SRGAP3: variants seen among roughly 807,000 people sequenced by gnomAD.
SRGAP3 encodes the protein SLIT-ROBO Rho GTPase activating protein 3.
A neutral mutation model predicts 121.1 loss-of-function variants in SRGAP3; 39 were observed. The observed-to-expected ratio is 0.32, with a 90% CI of 0.25 to 0.42. The LOEUF is 0.42. Among genes scored for constraint, SRGAP3 ranks in the 10% least tolerant of loss-of-function variants. The pLI is 1.00. For missense variants in SRGAP3, 1,213 were observed against 1,470.6 expected, an observed-to-expected ratio of 0.82 and a Z score of 2.86; for synonymous variants, 601 against 570.0, an observed-to-expected ratio of 1.05 and a Z score of -0.77.
At chr3:9,181,521 G>A (rs923509021) in intron 1 of SRGAP3, among the ~76,000 whole-genome samples, 3 of 152,196 alleles carry the variant, frequency 2.0e-5, no homozygotes, top group African/African-American at 7.2e-5. Context: ...AATGGTGGCT[G>A]TGGCAGAATC....
intron 1 of SRGAP3, among the ~76,000 whole-genome samples, chr3:9,353,577 G>A (rs527622889): frequency 6.6e-6 from 1 of 152,332 alleles, no homozygotes; most frequent in African/African-American, 2.4e-5. Context: ...TTACTAAAGC[G>A]GTTTTATAGC....
At chr3:9,043,088 A>C (rs1945098634) in intron 10 of SRGAP3, among the ~76,000 whole-genome samples, 2 of 152,002 alleles carry the variant, frequency 1.3e-5, no homozygotes, top group African/African-American at 4.8e-5. Flanking sequence ...CCAAACACAC[A>C]CACCATTGTT....
chr3:9,358,849 G>A (rs1385767545), intron 1 of SRGAP3, among the ~76,000 whole-genome samples: 1 of 152,152 alleles, frequency 6.6e-6, no homozygotes, highest in African/African-American at 2.4e-5. Flanking sequence ...CAAGGGATAG[G>A]GGAAAGGACA....
chr3:9,282,306 G>A (rs1001003744), intron 3 of SRGAP3, among the ~76,000 whole-genome samples: 19 of 152,120 alleles, frequency 1.2e-4, no homozygotes, highest in Non-Finnish European at 2.4e-4. Context: ...CTCATTACAT[G>A]TGAACATTAC....
At chr3:9,344,889 T>A (rs968916409) in intron 1 of SRGAP3, among the ~76,000 whole-genome samples, 3 of 151,382 alleles carry the variant, frequency 2.0e-5, no homozygotes, top group African/African-American at 7.3e-5. Context: ...ATACAAAAAT[T>A]AGCTGGGTGT....
At chr3:9,351,001 G>C (rs1398295615) in intron 1 of SRGAP3, among the ~76,000 whole-genome samples, 1 of 152,144 alleles carries the variant, frequency 6.6e-6, no homozygotes, top group African/African-American at 2.4e-5. Flanking sequence ...GGTGGGCTCT[G>C]CTAGGATGCT....
intron 3 of SRGAP3, among the ~76,000 whole-genome samples, chr3:9,324,492 A>G (rs1484081863): frequency 2.6e-5 from 4 of 151,950 alleles, no homozygotes; most frequent in Non-Finnish European, 5.9e-5. Context: ...TCCTGTTTAC[A>G]GGACAAAAAC....
intron 3 of SRGAP3, among the ~76,000 whole-genome samples, chr3:9,098,335 G>C (rs76101961): frequency 6.6e-6 from 1 of 152,292 alleles, no homozygotes; most frequent in East Asian, 1.9e-4. Flanking sequence ...GCAATGCAGT[G>C]ATCACAGCTC....
At chr3:9,084,560 G>T (rs1947378240) in intron 3 of SRGAP3, among the ~76,000 whole-genome samples, 1 of 152,162 alleles carries the variant, frequency 6.6e-6, no homozygotes, top group Admixed American at 6.5e-5. Flanking sequence ...CTGCCTCCCA[G>T]TGAACTTCCA....
intron 9 of SRGAP3, among the ~76,000 whole-genome samples, chr3:9,049,745 C>T (rs899676998): frequency 3.3e-5 from 5 of 151,920 alleles, no homozygotes; most frequent in African/African-American, 4.8e-5. Flanking sequence ...TTCCAGTTGC[C>T]CATCTTGGGA....
chr3:8,980,895 G>A lies in SRGAP3; in HGVS notation c.*4624C>T, dbSNP rs569475246. The A allele has an allele frequency of 4.3e-6, 1 of 233,438 alleles. No homozygotes were observed. The highest frequency in any genetic ancestry group is 2.2e-5 in the African/African-American group (1 of 45,452). The allele number at this position is 233,438 out of a possible 1,614,324, so 14.5% of individuals were successfully genotyped here. A position where few individuals can be genotyped will look rare whatever the true frequency, so the allele number is the denominator to read the frequency against. Reference sequence around the variant, plus strand: ...AGAATCAAACCTATTGCCAAACCATGTAAACAGTCACACTGCCGGGAACAA... The same window carrying A: ...AGAATCAAACCTATTGCCAAACCATATAAACAGTCACACTGCCGGGAACAA... On this transcript the variant is annotated 3_prime_UTR_variant, in exon 22 of 22. Coordinates refer to ENST00000383836, the MANE Select transcript of SRGAP3 (RefSeq NM_014850.4).
chr3:9,319,778 T>C (rs1006602739), intron 3 of SRGAP3, among the ~76,000 whole-genome samples: 2 of 151,850 alleles, frequency 1.3e-5, no homozygotes, highest in African/African-American at 4.8e-5. Context: ...AAGGGTGTGT[T>C]TGCCCTTTAG....
chr3:9,038,308 G>T (rs1944862315), intron 10 of SRGAP3, among the ~76,000 whole-genome samples: 1 of 152,146 alleles, frequency 6.6e-6, no homozygotes, highest in Non-Finnish European at 1.5e-5. Context: ...ACACATTATT[G>T]TTCACAGACA....
At chr3:9,292,142 G>A (rs1293773366) in intron 3 of SRGAP3, among the ~76,000 whole-genome samples, 1 of 152,220 alleles carries the variant, frequency 6.6e-6, no homozygotes, top group East Asian at 1.9e-4. Flanking sequence ...TCGCATCTCA[G>A]ACTTTGAGAA....
intron 1 of SRGAP3, among the ~76,000 whole-genome samples, chr3:9,128,056 C>T (rs1299851520): frequency 4.8e-5 from 7 of 145,250 alleles, no homozygotes; most frequent in African/African-American, 1.6e-4. Context: ...CTTAAAAAAG[C>T]TAAAAAAAAA....
At chr3:9,012,424 T>A (rs1943421565) in intron 17 of SRGAP3, among the ~76,000 whole-genome samples, 1 of 152,208 alleles carries the variant, frequency 6.6e-6, no homozygotes, top group Non-Finnish European at 1.5e-5. Flanking sequence ...TCACCACATT[T>A]AAAGATTTTT....
At chr3:8,987,426 AAT>A (rs893875998) in intron 21 of SRGAP3, among the ~76,000 whole-genome samples, 3 of 152,144 alleles carry the variant, frequency 2.0e-5, no homozygotes, top group African/African-American at 7.3e-5. Flanking sequence ...TCCTAAAAAA[AAT>A]AAATAAAAAG....
chr3:9,266,402 T>C (rs535661008), intron 3 of SRGAP3, among the ~76,000 whole-genome samples: 12 of 152,162 alleles, frequency 7.9e-5, no homozygotes, highest in African/African-American at 2.6e-4. Context: ...AATAGCCACA[T>C]GTGGCAGGGG....
intron 14 of SRGAP3, among the ~76,000 whole-genome samples, chr3:9,022,255 G>A (rs1225058155): frequency 6.6e-6 from 1 of 152,216 alleles, no homozygotes; most frequent in African/African-American, 2.4e-5. Context: ...TTGAACCTGG[G>A]AGGCGGAGGT....
Sources: gnomAD v4.1 joint callset for allele counts (sites outside exome capture counted in the v4.1 genomes callset) on GRCh38, gnomAD v4.1.1 for gene constraint, MANE v1.5 for transcripts, NCBI Gene and HGNC (gene_info 2026-07-23, HGNC 2026-07-21) for gene names.